The following SYCE2 variants were observed in gnomAD, a reference collection of about 807,000 sequenced individuals.
SYCE2 encodes the protein central element synaptonemal complex 1.
Under a neutral mutation model 27.9 loss-of-function variants are expected in SYCE2, and 3 were observed. The ratio of observed to expected loss-of-function variants is 0.11; its 90% CI spans 0.05 to 0.28. SYCE2 has a LOEUF of 0.28. SYCE2 is among the 10% of genes least tolerant of loss of function. The pLI is 1.00. For missense variants in SYCE2, 207 were observed against 263.5 expected, an observed-to-expected ratio of 0.79 and a Z score of 1.48; for synonymous variants, 85 against 100.7, an observed-to-expected ratio of 0.84 and a Z score of 0.93.
At chr19:12,911,479 G>A (rs920833501) in intron 2 of SYCE2, among the ~76,000 whole-genome samples, 54 of 151,348 alleles carry the variant, frequency 3.6e-4, no homozygotes, top group African/African-American at 1.2e-3. Flanking sequence ...TCACTCTGTC[G>A]CCCAGGCTGG....
intron 2 of SYCE2, among the ~76,000 whole-genome samples, chr19:12,913,340 G>A (rs1266622727): frequency 6.6e-5 from 10 of 152,240 alleles, no homozygotes; most frequent in Non-Finnish European, 1.5e-5. Context: ...GTGATTGGCA[G>A]GCGACTGAGC....
intron 2 of SYCE2, among the ~76,000 whole-genome samples, chr19:12,913,061 C>T (rs942378787): frequency 2.0e-5 from 3 of 152,206 alleles, no homozygotes; most frequent in Non-Finnish European, 2.9e-5. Flanking sequence ...CTTCTGTTGC[C>T]GAACCCTGGA....
chr19:12,908,470 G>T (rs1048701155), intron 2 of SYCE2, among the ~76,000 whole-genome samples: 1 of 151,720 alleles, frequency 6.6e-6, no homozygotes, highest in South Asian at 2.1e-4. Context: ...GACTACAGGC[G>T]CCCGCCACCA....
At chr19:12,909,808 C>T (rs200505553) in intron 2 of SYCE2, among the ~76,000 whole-genome samples, 6 of 152,080 alleles carry the variant, frequency 3.9e-5, no homozygotes, top group South Asian at 4.2e-4. Context: ...TCAGGTGATC[C>T]GCCCTCCTCG....
chr19:12,899,753 A>G, intron 5 of SYCE2: 3 of 1,610,612 alleles, frequency 1.9e-6, no homozygotes, highest in Non-Finnish European at 2.5e-6. Context: ...GAGCGTCTCA[A>G]TCCACTTTTA....
intron 2 of SYCE2, among the ~76,000 whole-genome samples, chr19:12,906,370 A>G (rs775297277): frequency 5.3e-5 from 8 of 152,240 alleles, no homozygotes; most frequent in Non-Finnish European, 1.2e-4. Flanking sequence ...AACTGTAATT[A>G]TGTAATTCAA....
chr19:12,907,381 G>T lies in SYCE2; in HGVS notation c.132-2715C>A, dbSNP rs143703278. 2.1e-3 allele frequency among the ~76,000 whole-genome samples: 317 copies of T among 152,250 alleles called. 1 individual carries two copies. The highest frequency in any genetic ancestry group is 7.2e-3 in the African/African-American group (298 of 41,532). ...CCCCTCCTGGATCTTACATTTCCTC[G>T]TCGCCCTCTGAGGTCCTCCAGCTCT... is the stretch of plus-strand genomic sequence containing the variant. On this transcript the variant is annotated intron_variant, in intron 2 of 5. Coordinates refer to ENST00000293695, the MANE Select transcript of SYCE2 (RefSeq NM_001105578.2).
intron 2 of SYCE2, among the ~76,000 whole-genome samples, chr19:12,905,212 C>T (rs938202822): frequency 6.6e-5 from 10 of 152,108 alleles, no homozygotes; most frequent in Admixed American, 4.6e-4. Context: ...CCAAGAGGCA[C>T]GACTAAATAT....
chr19:12,903,896 T>TC (rs920651703), intron 3 of SYCE2, among the ~76,000 whole-genome samples: 4 of 152,092 alleles, frequency 2.6e-5, no homozygotes, highest in African/African-American at 7.2e-5. Flanking sequence ...CTGTGCCTGG[T>TC]CCCCCCATTA....
chr19:12,915,887 C>T (rs1971129743), intron 2 of SYCE2, among the ~76,000 whole-genome samples: 2 of 152,126 alleles, frequency 1.3e-5, no homozygotes, highest in Admixed American at 1.3e-4. Context: ...ATCTCTTCTA[C>T]AAGGACACCT....
chr19:12,913,782 ACAT>A, intron 2 of SYCE2, among the ~76,000 whole-genome samples: 1 of 152,146 alleles, frequency 6.6e-6, no homozygotes, highest in Non-Finnish European at 1.5e-5. Context: ...CCTGGTCTAA[ACAT>A]GCTATTCCGC....
chr19:12,905,488 C>T (rs555085414), intron 2 of SYCE2, among the ~76,000 whole-genome samples: 11 of 152,096 alleles, frequency 7.2e-5, no homozygotes, highest in South Asian at 4.1e-4. Flanking sequence ...CCCGCCACCA[C>T]GTCCAGCTAA....
At chr19:12,915,305 C>T (rs1178959830) in intron 2 of SYCE2, among the ~76,000 whole-genome samples, 1 of 151,968 alleles carries the variant, frequency 6.6e-6, no homozygotes, top group African/African-American at 2.4e-5. Context: ...CAAATCATAC[C>T]CTTCAAGGAG....
At chr19:12,918,865 C>A (rs1479512971) in intron 1 of SYCE2, among the ~76,000 whole-genome samples, 1 of 151,454 alleles carries the variant, frequency 6.6e-6, no homozygotes, top group African/African-American at 2.4e-5. Flanking sequence ...GAAGGAGAAT[C>A]ACTTGAACCC....
intron 2 of SYCE2, among the ~76,000 whole-genome samples, chr19:12,907,872 G>A (rs143673232): frequency 2.0e-5 from 3 of 152,164 alleles, no homozygotes; most frequent in East Asian, 3.9e-4. Context: ...CCAGCACTTC[G>A]GGGGGCTAAG....
At chr19:12,903,037 CAA>C (rs767887340) in intron 3 of SYCE2, among the ~76,000 whole-genome samples, 7 of 56,724 alleles carry the variant, frequency 1.2e-4, no homozygotes, top group Admixed American at 4.2e-4. Flanking sequence ...GACTCTGTCT[CAA>C]AAAAAAAAAA....
rs560640285 is a variant in SYCE2 at position 12,907,572 on chromosome 19, C to T, written c.132-2906G>A. On this transcript the variant is annotated intron_variant, in intron 2 of 5. Transcript: ENST00000293695. ...TTGGGAGGCCGAGGCGGGTAGATCA[C>T]CAGAGATCAGGAGTTCGAGATCAGC... Among the ~76,000 whole-genome samples the T allele has an allele frequency of 2.3e-3, 343 of 151,336 alleles. 1 individual carries two copies. The highest frequency in any genetic ancestry group is 9.0e-3 in the South Asian group (43 of 4,770).
chr19:12,906,473 C>T (rs890836233), intron 2 of SYCE2, among the ~76,000 whole-genome samples: 4 of 152,034 alleles, frequency 2.6e-5, no homozygotes, highest in South Asian at 2.1e-4. Flanking sequence ...TGTAATGTTC[C>T]GTAACTTCAT....
At chr19:12,915,371 C>T (rs980315306) in intron 2 of SYCE2, among the ~76,000 whole-genome samples, 6 of 151,998 alleles carry the variant, frequency 3.9e-5, no homozygotes, top group African/African-American at 7.2e-5. Context: ...GAGGCCGAGG[C>T]GGGCGGATCA....
Sources: gnomAD v4.1 joint callset for allele counts (sites outside exome capture counted in the v4.1 genomes callset) on GRCh38, gnomAD v4.1.1 for gene constraint, MANE v1.5 for transcripts, NCBI Gene and HGNC (gene_info 2026-07-23, HGNC 2026-07-21) for gene names.